USH2A: variants seen among roughly 807,000 people sequenced by gnomAD.
The protein encoded by USH2A is usherin, also known as Usher syndrome 2A (autosomal recessive, mild).
USH2A carries 443 observed loss-of-function variants against 538.9 expected under a neutral mutation model. The ratio of observed to expected loss-of-function variants is 0.82; its 90% confidence interval spans 0.76 to 0.89. The LOEUF is 0.89. USH2A is among the 40% of genes least tolerant of loss of function. The pLI, the probability that USH2A is intolerant of heterozygous loss-of-function variation, is 0.00. For missense variants in USH2A, 6,633 were observed against 6,324.8 expected, an observed-to-expected ratio of 1.05 and a Z score of -1.65; for synonymous variants, 2,413 against 2,273.5, an observed-to-expected ratio of 1.06 and a Z score of -1.75.
At chr1:216,248,825 A>G (rs1429444811) in intron 12 of USH2A, among the ~76,000 whole-genome samples, 1 of 152,116 alleles carries the variant, frequency 6.6e-6, no homozygotes. Flanking sequence ...ATCTATTCCT[A>G]ACGATAGTCA....
Position 216,097,122 on chromosome 1 carries a change from C to T in USH2A, c.4719G>A (p.Gln1573=), listed in dbSNP as rs2102572765. Reference sequence around the variant, plus strand: ...GAAAATAAAGACGTCCCTTCTTCAACTGAAGTGCAAAATACTCTTCCTGAT... The same window carrying T: ...GAAAATAAAGACGTCCCTTCTTCAATTGAAGTGCAAAATACTCTTCCTGAT... The part of the protein sequence containing the change: ...PGNQEEYFAL[Q]LKKGRLYFLF... Residue 1573 remains glutamine, a synonymous_variant, in exon 22 of 72, where the codon CAG becomes CAA. Transcript: ENST00000307340. 1.2e-6 allele frequency: 2 copies of T among 1,614,118 alleles called. No homozygotes were observed. Among genetic ancestry groups the T allele is most frequent in the East Asian group, 2.2e-5 (1 of 44,854 alleles).
chr1:215,930,316 C>T (rs1666332645), intron 38 of USH2A, among the ~76,000 whole-genome samples: 1 of 151,876 alleles, frequency 6.6e-6, no homozygotes, highest in Non-Finnish European at 1.5e-5. Context: ...AAACTATGCC[C>T]TTTTATGCTT....
rs552231944 is a variant in USH2A at position 216,297,848 on chromosome 1, A to C, written c.1645-5478T>G. 1.4e-3 allele frequency among the ~76,000 whole-genome samples: 213 copies of C among 152,254 alleles called. 1 individual carries two copies. Among genetic ancestry groups the C allele is most frequent in the African/African-American group, 4.9e-3 (204 of 41,556 alleles). ...CTAAGAGCCATCAGACATAACTATT[A>C]CTTCTTCTAGTAGCCCTATGTGTGG... On this transcript the variant is annotated intron_variant, in intron 9 of 71. Transcript: ENST00000307340.
At chr1:215,950,834 T>C (rs890192610) in intron 37 of USH2A, among the ~76,000 whole-genome samples, 2 of 152,096 alleles carry the variant, frequency 1.3e-5, no homozygotes, top group Non-Finnish European at 2.9e-5. Context: ...AACAAAACTG[T>C]CTCTGAAGAA....
chr1:215,665,442 A>T (rs976065971), intron 64 of USH2A, among the ~76,000 whole-genome samples: 1 of 152,186 alleles, frequency 6.6e-6, no homozygotes, highest in African/African-American at 2.4e-5. Context: ...AAACTAATTA[A>T]GTCACTGACA....
In USH2A at chr1:215,675,186, G is replaced by C; in HGVS notation, c.12725C>G (p.Thr4242Ser). The C allele has an allele frequency of 6.2e-7, 1 of 1,614,112 alleles. No individual in the cohort carries two copies. Among genetic ancestry groups the C allele is most frequent in the East Asian group, 2.2e-5 (1 of 44,872 alleles). The change falls in exon 63 of 72, where the codon ACT becomes AGT. Residue 4242 changes from threonine (T) to serine (S), a missense_variant. Thr to Ser is a moderately conservative substitution (Grantham distance 58). Coordinates refer to ENST00000307340, the MANE Select transcript of USH2A (RefSeq NM_206933.4). ...ACAGGTATGCCCAGCTGAATTCCAA[G>C]TGTAGATTTTATATTCACACTGCGT... ...PWTQCEYKIY[T>S]WNSAGHTCSS...
intron 55 of USH2A, among the ~76,000 whole-genome samples, chr1:215,773,684 T>A (rs1286114785): frequency 1.3e-5 from 2 of 152,150 alleles, no homozygotes; most frequent in Admixed American, 6.6e-5. Flanking sequence ...CAGACAACTA[T>A]AATGATGTTG....
chr1:216,346,060 T>C (rs2038169917), intron 4 of USH2A, among the ~76,000 whole-genome samples: 1 of 152,114 alleles, frequency 6.6e-6, no homozygotes, highest in Non-Finnish European at 1.5e-5. Flanking sequence ...TCTGGTTTGA[T>C]ATGCGCATGA....
chr1:215,716,927 T>C (rs1659504608), intron 61 of USH2A, among the ~76,000 whole-genome samples: 1 of 152,194 alleles, frequency 6.6e-6, no homozygotes, highest in Admixed American at 6.5e-5. Context: ...ATTCAATTCA[T>C]AAATTTTTAT....
intron 71 of USH2A, among the ~76,000 whole-genome samples, chr1:215,626,789 C>T (rs1656040187): frequency 6.6e-6 from 1 of 152,144 alleles, no homozygotes. Context: ...CTCTAAACCT[C>T]AGTTCTTTTT....
At position 216,323,343 on chromosome 1, in the gene USH2A, C is replaced by G; in HGVS notation, c.1550+131G>C. The G allele has an allele frequency of 4.2e-6, 3 of 718,824 alleles. No homozygotes were observed. In the South Asian group the frequency reaches 4.8e-5, roughly 11 times the overall value. 44.5% of individuals were successfully genotyped at this position (718,824 alleles called of 1,614,324 possible). The stretch of plus-strand genomic sequence containing the variant: ...GAAAAGACTCACATACAGATCTTCC[C>G]CTAAAATCTTAGAGTATGAAATCAT... On this transcript the variant is annotated intron_variant, in intron 8 of 71. Transcript: ENST00000307340.
chr1:216,119,216 T>C (rs1251707844), intron 21 of USH2A, among the ~76,000 whole-genome samples: 1 of 152,218 alleles, frequency 6.6e-6, no homozygotes, highest in Non-Finnish European at 1.5e-5. Flanking sequence ...TAGCCATTTA[T>C]TCAATTTGGT....
In USH2A at chr1:215,650,707, A is replaced by C; in HGVS notation, c.14228T>G (p.Phe4743Cys). ...APPEGLRAPT[F>C]HVISSTQAVV... Reference sequence around the variant, plus strand: ...TGCTTGGGTAGAAGAGATCACATGGAACGTGGGGGCTCTGAGACCTTCTGG... The same window carrying C: ...TGCTTGGGTAGAAGAGATCACATGGCACGTGGGGGCTCTGAGACCTTCTGG... Residue 4743 changes from phenylalanine (F) to cysteine (C), a missense_variant, in exon 65 of 72, where the codon TTC becomes TGC. Coordinates refer to ENST00000307340, the MANE Select transcript of USH2A (RefSeq NM_206933.4). 1 of 1,614,010 alleles carries C rather than the reference A, an allele frequency of 6.2e-7. No homozygotes were observed. The highest frequency in any genetic ancestry group is 8.5e-7 in the Non-Finnish European group (1 of 1,180,012).
At chr1:215,756,667 C>T (rs1027298611) in intron 58 of USH2A, among the ~76,000 whole-genome samples, 10 of 152,002 alleles carry the variant, frequency 6.6e-5, no homozygotes, top group Non-Finnish European at 1.5e-4. Context: ...GGCTCATGCC[C>T]GTAATCCCAG....
intron 3 of USH2A, among the ~76,000 whole-genome samples, chr1:216,400,050 T>C (rs962384829): frequency 6.6e-6 from 1 of 151,882 alleles, no homozygotes; most frequent in Non-Finnish European, 1.5e-5. Context: ...AATAACAACT[T>C]GAATGAAAGA....
Position 215,941,824 on chromosome 1 carries a change from G to A in USH2A, c.7121-7029C>T, listed in dbSNP as rs578126481. 3.3e-5 allele frequency among the ~76,000 whole-genome samples: 5 copies of A among 152,252 alleles called. No individual in the cohort carries two copies. The East Asian group carries it at 7.7e-4, about 24-fold the overall frequency. On this transcript the variant is annotated intron_variant, in intron 37 of 71. Transcript: ENST00000307340. Reference sequence around the variant, plus strand: ...GGTTCCTCTGTAAAAGAAGAGCAACGACTTGGGGGTCTGGATGAGAATGAT... The same window carrying A: ...GGTTCCTCTGTAAAAGAAGAGCAACAACTTGGGGGTCTGGATGAGAATGAT...
At chr1:216,135,254 T>A (rs2033463277) in intron 21 of USH2A, among the ~76,000 whole-genome samples, 1 of 151,370 alleles carries the variant, frequency 6.6e-6, no homozygotes, top group African/African-American at 2.4e-5. Flanking sequence ...CCTGTATGAC[T>A]CAACAAGGTG....
chr1:216,202,619 C>A (rs1422887416), intron 16 of USH2A, among the ~76,000 whole-genome samples: 3 of 152,170 alleles, frequency 2.0e-5, no homozygotes, highest in African/African-American at 7.2e-5. Flanking sequence ...GTCCTTGGCT[C>A]AGCACTGATT....
In USH2A at chr1:216,198,353, A is replaced by G. The variant is rs375465641; in HGVS notation, c.4043T>C (p.Val1348Ala). 42 of 1,613,898 alleles carry G rather than the reference A, an allele frequency of 2.6e-5. No homozygotes were observed. The highest frequency in any genetic ancestry group is 3.5e-5 in the Non-Finnish European group (41 of 1,179,964). The stretch of plus-strand genomic sequence containing the variant: ...TCTTTCTGAGACCCAGGCAGAAGAC[A>G]CACTTCCAGCCATATTCACAGCTAA... ...RVLAVNMAGS[V>A]SSAWVSERTG... Residue 1348 changes from valine (V) to alanine (A), a missense_variant, in exon 18 of 72, where the codon GTG (valine) becomes GCG (alanine). Physicochemically the swap from Val to Ala is moderately conservative, Grantham distance 64 (BLOSUM62 0). Coordinates refer to ENST00000307340, the MANE Select transcript of USH2A (RefSeq NM_206933.4).
Sources: gnomAD v4.1 joint callset for allele counts (sites outside exome capture counted in the v4.1 genomes callset) on GRCh38, gnomAD v4.1.1 for gene constraint, MANE v1.5 for transcripts, NCBI Gene and HGNC (gene_info 2026-07-23, HGNC 2026-07-21) for gene names.